The following ASTN2 variants were observed in gnomAD, a reference collection of about 807,000 sequenced individuals.
The protein encoded by ASTN2 is astrotactin 2.
A neutral mutation model predicts 139.8 loss-of-function variants in ASTN2; 54 were observed. The observed-to-expected ratio is 0.39, with a 90% CI of 0.31 to 0.48. The LOEUF (loss-of-function observed/expected upper bound fraction) is 0.48, where lower values mean the gene tolerates loss of function less well. ASTN2 is among the 20% of genes least tolerant of loss of function. ASTN2 has a pLI of 0.95. For synonymous variants in ASTN2, 756 were observed against 719.5 expected (o/e 1.05, Z -0.81); for missense variants, 1,565 against 1,725.1 (o/e 0.91, Z 1.64).
At chr9:117,039,583 A>C (rs1382080541) in intron 6 of ASTN2, among the ~76,000 whole-genome samples, 1 of 152,096 alleles carries the variant, frequency 6.6e-6, no homozygotes, top group Non-Finnish European at 1.5e-5. Flanking sequence ...GTATCCCCAA[A>C]CTTAGAGTAA....
chr9:117,144,492 T>C (rs1588012394), intron 3 of ASTN2, among the ~76,000 whole-genome samples: 1 of 151,848 alleles, frequency 6.6e-6, no homozygotes, highest in African/African-American at 2.4e-5. Context: ...CCATAAAACA[T>C]TATGAGATTT....
intron 17 of ASTN2, among the ~76,000 whole-genome samples, chr9:116,622,026 T>C (rs1303002439): frequency 1.3e-5 from 2 of 152,236 alleles, no homozygotes; most frequent in East Asian, 3.8e-4. Context: ...CTGCTCTGCA[T>C]GATGTTCCTA....
intron 10 of ASTN2, among the ~76,000 whole-genome samples, chr9:116,944,835 G>C (rs1487967536): frequency 2.6e-5 from 4 of 152,208 alleles, no homozygotes; most frequent in African/African-American, 9.6e-5. Context: ...TGAGGAACTG[G>C]ATTACATCAG....
chr9:116,789,827 G>C (rs934406932), intron 13 of ASTN2, among the ~76,000 whole-genome samples: 3 of 151,518 alleles, frequency 2.0e-5, no homozygotes, highest in Admixed American at 6.6e-5. Flanking sequence ...TGGAGTAAGT[G>C]GTATCTCACA....
Position 116,687,193 on chromosome 9 carries a change from G to T in ASTN2, c.2807-35400C>A, listed in dbSNP as rs1401671759. On this transcript the variant is annotated intron_variant, in intron 16 of 22. Coordinates refer to ENST00000313400, the MANE Select transcript of ASTN2 (RefSeq NM_001365068.1). ...TCAGAGGAAAGCTCACCCCTGCAGG[G>T]CCGCCTTGCCCCGCGCGCTTGGGGC... The T allele has an allele frequency of 3.9e-6, 4 of 1,033,052 alleles. No individual in the cohort carries two copies. In the African/African-American group the frequency reaches 5.0e-5, roughly 13 times the overall value. 64.0% of individuals were successfully genotyped at this position (1,033,052 alleles called of 1,614,324 possible).
chr9:116,965,981 C>T (rs559237037), intron 10 of ASTN2, among the ~76,000 whole-genome samples: 13 of 152,274 alleles, frequency 8.5e-5, no homozygotes, highest in South Asian at 4.1e-4. Flanking sequence ...GGAAGCTGAG[C>T]GGGAGGCCTC....
intron 20 of ASTN2, among the ~76,000 whole-genome samples, chr9:116,482,052 C>A (rs1849186410): frequency 6.6e-6 from 1 of 152,202 alleles, no homozygotes; most frequent in Non-Finnish European, 1.5e-5. Context: ...CCCGGCCGGG[C>A]ACAGTGGCTC....
chr9:117,269,139 C>T (rs1286066042), intron 2 of ASTN2, among the ~76,000 whole-genome samples: 1 of 152,176 alleles, frequency 6.6e-6, no homozygotes, highest in Non-Finnish European at 1.5e-5. Context: ...AAGTACTTCT[C>T]CCAGCCATGT....
intron 5 of ASTN2, among the ~76,000 whole-genome samples, chr9:117,064,896 T>C (rs973642262): frequency 6.6e-6 from 1 of 152,048 alleles, no homozygotes; most frequent in African/African-American, 2.4e-5. Flanking sequence ...GCTGTCTGCT[T>C]GTGGTGGGTT....
At chr9:117,090,106 G>C (rs1828668672) in intron 5 of ASTN2, among the ~76,000 whole-genome samples, 1 of 152,150 alleles carries the variant, frequency 6.6e-6, no homozygotes, top group African/African-American at 2.4e-5. Context: ...ATCTGAACTA[G>C]CACCTGTTTT....
intron 3 of ASTN2, among the ~76,000 whole-genome samples, chr9:117,199,462 T>C (rs921815088): frequency 2.0e-5 from 3 of 152,220 alleles, no homozygotes; most frequent in Non-Finnish European, 2.9e-5. Context: ...GAAGTCTCTG[T>C]TCTGTTCCAT....
intron 12 of ASTN2, among the ~76,000 whole-genome samples, chr9:116,818,047 CT>C (rs201041044): frequency 5.3e-3 from 66 of 12,438 alleles, no homozygotes; most frequent in South Asian, 0.018. Flanking sequence ...CCACTCTGTG[CT>C]TTTTTTAAAA....
intron 13 of ASTN2, among the ~76,000 whole-genome samples, chr9:116,741,370 G>A (rs1829092908): frequency 6.6e-6 from 1 of 152,146 alleles, no homozygotes; most frequent in African/African-American, 2.4e-5. Context: ...GGAGGGGCTT[G>A]CTCTCCTTGC....
At chr9:116,472,719 C>T (rs1848851027) in intron 20 of ASTN2, among the ~76,000 whole-genome samples, 1 of 150,312 alleles carries the variant, frequency 6.7e-6, no homozygotes, top group Non-Finnish European at 1.5e-5. Flanking sequence ...GCCTGGCCGA[C>T]ATAGCAAAAC....
chr9:116,646,327 T>TG (rs149973626), intron 17 of ASTN2, among the ~76,000 whole-genome samples: 4,468 of 152,286 alleles, frequency 0.029, 204 homozygotes, highest in African/African-American at 0.1. Flanking sequence ...TGCTATGACC[T>TG]GCTATGTCTC....
At chr9:116,587,809 A>T (rs1854218578) in intron 19 of ASTN2, among the ~76,000 whole-genome samples, 1 of 152,096 alleles carries the variant, frequency 6.6e-6, no homozygotes, top group Non-Finnish European at 1.5e-5. Flanking sequence ...TATGTATAAA[A>T]TAGTTTATAA....
At chr9:116,690,972 T>C (rs1282159867) in intron 16 of ASTN2, among the ~76,000 whole-genome samples, 2 of 152,114 alleles carry the variant, frequency 1.3e-5, no homozygotes, top group Non-Finnish European at 2.9e-5. Flanking sequence ...CAGGCTGGAG[T>C]GCAGTGGTGC....
chr9:116,719,198 A>G (rs1340154207), intron 16 of ASTN2, among the ~76,000 whole-genome samples: 1 of 151,794 alleles, frequency 6.6e-6, no homozygotes, highest in Non-Finnish European at 1.5e-5. Context: ...AGTGAGGAAG[A>G]AAAAAGTGGG....
intron 5 of ASTN2, among the ~76,000 whole-genome samples, chr9:117,063,858 G>A (rs972436539): frequency 6.6e-6 from 1 of 152,156 alleles, no homozygotes; most frequent in Non-Finnish European, 1.5e-5. Flanking sequence ...GGGGTGTTGT[G>A]AGCCACAGGA....
Sources: allele counts gnomAD v4.1 joint callset (sites outside exome capture counted in the v4.1 genomes callset), GRCh38; gene constraint gnomAD v4.1.1; transcripts MANE v1.5; gene names NCBI Gene and HGNC (gene_info 2026-07-23, HGNC 2026-07-21).